Variants in NR1H4 observed in about 807,000 individuals in gnomAD.
NR1H4 encodes bile acid receptor.
Under a neutral mutation model 58.5 loss-of-function variants are expected in NR1H4, and 23 were observed. The observed-to-expected ratio is 0.39, with a 90% CI of 0.28 to 0.56. NR1H4 has a LOEUF of 0.56. NR1H4 is among the 20% of genes least tolerant of loss of function. The probability of loss-of-function intolerance (pLI) is 0.58; values close to 1 mark genes in which losing one functional copy is unlikely to be tolerated. For missense variants in NR1H4, 487 were observed against 576.9 expected (o/e 0.84, Z 1.60); for synonymous variants, 214 against 198.0 (o/e 1.08, Z -0.68).
At chr12:100,491,377 G>A (rs1010919888) in intron 1 of NR1H4, among the ~76,000 whole-genome samples, 5 of 151,656 alleles carry the variant, frequency 3.3e-5, no homozygotes, top group East Asian at 1.9e-4. Context: ...TGAGGGTGAG[G>A]TTGAAGTGAG....
chr12:100,536,868 AGTTTTTCTTTAGTCTAATGGT>A, intron 7 of NR1H4, 59 bp from the exon 8 acceptor site: 1 of 866,410 alleles, frequency 1.2e-6, no homozygotes, highest in Non-Finnish European at 1.8e-6. Flanking sequence ...ATCTAAACCT[AGTTTTTCTTTAGTCTAATGGT>A]TTTATATTAT....
At chr12:100,509,153 A>T (rs564624882) in intron 3 of NR1H4, among the ~76,000 whole-genome samples, 1 of 152,212 alleles carries the variant, frequency 6.6e-6, no homozygotes, top group South Asian at 2.1e-4. Context: ...CCTTGCTGCC[A>T]TGAAAACCAA....
chr12:100,521,807 C>G (rs1021004903), intron 4 of NR1H4, among the ~76,000 whole-genome samples: 2 of 152,084 alleles, frequency 1.3e-5, no homozygotes, highest in Non-Finnish European at 2.9e-5. Context: ...TTATTGACAT[C>G]CTATTTAAGA....
chr12:100,489,447 A>G (rs1319275535), intron 1 of NR1H4, among the ~76,000 whole-genome samples: 2 of 152,232 alleles, frequency 1.3e-5, no homozygotes, highest in Non-Finnish European at 2.9e-5. Flanking sequence ...TCCATAAACA[A>G]GTGGCTGTGG....
At chr12:100,500,985 T>A (rs1025460042) in intron 3 of NR1H4, among the ~76,000 whole-genome samples, 13 of 152,042 alleles carry the variant, frequency 8.6e-5, no homozygotes, top group Admixed American at 3.9e-4. Flanking sequence ...GAAAAAATAT[T>A]TTTTTAGGGA....
At chr12:100,551,543 T>C (rs1220248751) in intron 9 of NR1H4, among the ~76,000 whole-genome samples, 1 of 152,250 alleles carries the variant, frequency 6.6e-6, no homozygotes, top group Non-Finnish European at 1.5e-5. Context: ...CTTTTGAAAG[T>C]GGTCACATGC....
At chr12:100,515,186 T>C (rs1269418374) in intron 4 of NR1H4, among the ~76,000 whole-genome samples, 1 of 149,556 alleles carries the variant, frequency 6.7e-6, no homozygotes, top group Non-Finnish European at 1.5e-5. Flanking sequence ...TTTTTTTTTT[T>C]TTGAGACAGA....
chr12:100,508,809 A>G (rs1056613497), intron 3 of NR1H4, among the ~76,000 whole-genome samples: 2 of 152,224 alleles, frequency 1.3e-5, no homozygotes, highest in African/African-American at 4.8e-5. Flanking sequence ...CAAAGCCCCA[A>G]AAAACCACGT....
intron 4 of NR1H4, among the ~76,000 whole-genome samples, chr12:100,527,839 T>C (rs1954599490): frequency 6.6e-6 from 1 of 152,158 alleles, no homozygotes; most frequent in South Asian, 2.1e-4. Flanking sequence ...TCATTTTTTA[T>C]GGCTGTATAT....
intron 3 of NR1H4, among the ~76,000 whole-genome samples, chr12:100,494,778 A>T (rs1259585241): frequency 6.6e-6 from 1 of 152,248 alleles, no homozygotes; most frequent in Non-Finnish European, 1.5e-5. Context: ...CAGAACTCAC[A>T]GAATAATTAG....
chr12:100,524,427 G>C (rs1954504903), intron 4 of NR1H4, among the ~76,000 whole-genome samples: 1 of 152,096 alleles, frequency 6.6e-6, no homozygotes, highest in South Asian at 2.1e-4. Flanking sequence ...CGGTCACTGT[G>C]GGCCACTAGC....
At position 100,486,578 on chromosome 12, in the gene NR1H4, C is replaced by T. The variant is rs114074620; in HGVS notation, c.-189-5925C>T. Among the ~76,000 whole-genome samples the T allele has an allele frequency of 6.8e-3, 1,028 of 152,100 alleles. 10 individuals carry two copies. The highest frequency in any genetic ancestry group is 0.024 in the African/African-American group (981 of 41,484). ...CTCCCTAAATATCTACGTTTGGCACCGTCTCAAACTCCCAAAGAAACTTTT... is the reference window on the plus strand; with the variant it reads ...CTCCCTAAATATCTACGTTTGGCACTGTCTCAAACTCCCAAAGAAACTTTT... On this transcript the variant is annotated intron_variant, in intron 1 of 10. Coordinates refer to ENST00000392986, the MANE Select transcript of NR1H4 (RefSeq NM_001206979.2).
At chr12:100,550,224 T>C (rs1214942929) in intron 9 of NR1H4, among the ~76,000 whole-genome samples, 2 of 152,180 alleles carry the variant, frequency 1.3e-5, no homozygotes, top group Non-Finnish European at 2.9e-5. Context: ...TAGTGCATCA[T>C]TGATTTTATT....
At position 100,503,926 on chromosome 12, in the gene NR1H4, T is replaced by C. The variant is rs1001418082; in HGVS notation, c.80-6852T>C. Among the ~76,000 whole-genome samples the C allele has an allele frequency of 3.9e-5, 6 of 152,156 alleles. No individual in the cohort carries two copies. The East Asian group carries it at 9.6e-4, about 24-fold the overall frequency. ...CAGCATTAAAAACTGGATTAGAATA[T>C]AATAGAATAGAAATATTAGTGTCCC... On this transcript the variant is annotated intron_variant, in intron 3 of 10. Coordinates refer to ENST00000392986, the MANE Select transcript of NR1H4 (RefSeq NM_001206979.2).
intron 8 of NR1H4, among the ~76,000 whole-genome samples, chr12:100,539,511 C>T (rs960176329): frequency 6.6e-6 from 1 of 152,166 alleles, no homozygotes; most frequent in Non-Finnish European, 1.5e-5. Context: ...CTTCTCTATA[C>T]TCCCTTTGCT....
At chr12:100,555,655 C>T (rs1312183863) in intron 9 of NR1H4, among the ~76,000 whole-genome samples, 3 of 152,128 alleles carry the variant, frequency 2.0e-5, no homozygotes. Context: ...GTGCTAAGCA[C>T]TCTCTATATA....
At chr12:100,514,972 G>A (rs1223573719) in intron 4 of NR1H4, among the ~76,000 whole-genome samples, 5 of 151,882 alleles carry the variant, frequency 3.3e-5, no homozygotes, top group African/African-American at 1.2e-4. Context: ...TGCCCAAAAT[G>A]TTACCAAACT....
At chr12:100,516,139 T>C (rs77799472) in intron 4 of NR1H4, among the ~76,000 whole-genome samples, 211 of 152,206 alleles carry the variant, frequency 1.4e-3, no homozygotes, top group African/African-American at 4.9e-3. Context: ...GAAAAGAGAA[T>C]AGGAGGAATG....
At chr12:100,487,595 C>CTTCTTTTTTTT (rs1555330922) in intron 1 of NR1H4, among the ~76,000 whole-genome samples, 1 of 115,984 alleles carries the variant, frequency 8.6e-6, no homozygotes, top group African/African-American at 3.1e-5. Flanking sequence ...TCTTCTTCTT[C>CTTCTTTTTTTT]TTTTTTTTTT....
Sources: gnomAD v4.1 joint callset for allele counts (sites outside exome capture counted in the v4.1 genomes callset) on GRCh38, gnomAD v4.1.1 for gene constraint, MANE v1.5 for transcripts, NCBI Gene and HGNC (gene_info 2026-07-23, HGNC 2026-07-21) for gene names.